PPM1G: variants seen among roughly 807,000 people sequenced by gnomAD.
PPM1G encodes the protein protein phosphatase, Mg2+/Mn2+ dependent 1G, also known as protein phosphatase 1G.
Under a neutral mutation model 59.4 loss-of-function variants are expected in PPM1G, and 12 were observed. The observed-to-expected ratio is 0.20, with a 90% confidence interval of 0.13 to 0.33. PPM1G has a LOEUF of 0.33. Among genes scored for constraint, PPM1G ranks in the 10% least tolerant of loss-of-function variants. PPM1G has a pLI of 1.00. For missense variants in PPM1G, 392 were observed against 681.3 expected (o/e 0.58, Z 4.73); for synonymous variants, 245 against 251.9 (o/e 0.97, Z 0.26).
chr2:27,393,488 G>GCGGC (rs1296639788), intron 1 of PPM1G: 33 of 737,690 alleles, frequency 4.5e-5, no homozygotes, highest in Non-Finnish European at 6.2e-5. Context: ...CTGGCTATGG[G>GCGGC]CGGCCGGCCG....
At position 27,383,231 on chromosome 2, in the gene PPM1G, A is replaced by C. The variant is rs2384629; in HGVS notation, c.1201+135T>G. 1 of 696,420 alleles carries C rather than the reference A, an allele frequency of 1.4e-6. No homozygotes were observed. The highest frequency in any genetic ancestry group is 2.5e-6 in the Non-Finnish European group (1 of 406,676). 43.1% of individuals were successfully genotyped at this position (696,420 alleles called of 1,614,324 possible). A position where few individuals can be genotyped will look rare whatever the true frequency, so the allele number is the denominator to read the frequency against. ...TCTACCCATCTTAGTTATTTCACAG[A>C]AATATAAGAACAGAGGTAGTAGATA... is the stretch of plus-strand genomic sequence containing the variant. On this transcript the variant is annotated intron_variant, in intron 7 of 9. Transcript: ENST00000344034. The surrounding 1 kb of genome is among the most constrained non-coding windows in gnomAD (Gnocchi z 5.0).
intron 1 of PPM1G, among the ~76,000 whole-genome samples, chr2:27,391,879 G>A (rs374009229): frequency 2.6e-5 from 4 of 151,660 alleles, no homozygotes; most frequent in Non-Finnish European, 2.9e-5. Flanking sequence ...TAACAGGCAC[G>A]CGCCGCCACG....
intron 1 of PPM1G, among the ~76,000 whole-genome samples, chr2:27,408,471 A>AT (rs1481444814): frequency 5.3e-5 from 8 of 151,854 alleles, no homozygotes; most frequent in Non-Finnish European, 7.4e-5. Context: ...TCCCCCCAAT[A>AT]TTTTTCTTTT....
rs1262544426 is a variant in PPM1G, at chr2:27,384,670, T to TAC, written c.825+1_825+2dup. The TAC allele has an allele frequency of 6.2e-7, 1 of 1,601,202 alleles. No individual in the cohort carries two copies. The highest frequency in any genetic ancestry group is 8.5e-7 in the Non-Finnish European group (1 of 1,170,432). ...GCATCTGCCTGCCCTCACAGGCCCT[T>TAC]ACCTCACTGTCTTCCTCTTCTTCCT... On this transcript the variant is annotated splice_region_variant and intron_variant, in intron 5 of 9. Transcript: ENST00000344034. This position sits in a 1 kb window ranked among gnomAD's most constrained non-coding sequence, Gnocchi z 4.8.
Position 27,383,985 on chromosome 2 carries a change from C to A in PPM1G, c.933G>T (p.Glu311Asp). The A allele has an allele frequency of 6.4e-7, 1 of 1,559,474 alleles. No homozygotes were observed. The highest frequency in any genetic ancestry group is 8.7e-7 in the Non-Finnish European group (1 of 1,150,978). Residue 311 changes from glutamate to aspartate, a missense_variant, in exon 6 of 10, where the codon GAG becomes GAT. By Grantham distance (45) the Glu-to-Asp change is conservative. Coordinates refer to ENST00000344034, the MANE Select transcript of PPM1G (RefSeq NM_177983.3). This position sits in a 1 kb window ranked among gnomAD's most constrained non-coding sequence, Gnocchi z 5.0. Reference protein sequence around the residue: ...AEEDDEEEEEEMMVPGMEGKE... With the variant: ...AEEDDEEEEEDMMVPGMEGKE... The stretch of plus-strand genomic sequence containing the variant: ...TGCCTTCCATCCCTGGCACCATCAT[C>A]TCTTCTTCTTCTTCTTCATCGTCCT...
intron 1 of PPM1G, among the ~76,000 whole-genome samples, chr2:27,397,695 T>C (rs767831595): frequency 9.2e-5 from 14 of 152,264 alleles, no homozygotes; most frequent in Admixed American, 3.3e-4. Flanking sequence ...AATAAGACCC[T>C]GTCTCTATAA....
intron 1 of PPM1G, among the ~76,000 whole-genome samples, chr2:27,389,239 T>A (rs183778242): frequency 1.1e-4 from 16 of 151,540 alleles, no homozygotes; most frequent in Admixed American, 4.6e-4. Context: ...TACATAAAAA[T>A]ATATATATAT....
chr2:27,407,619 T>C (rs138625899), intron 1 of PPM1G, among the ~76,000 whole-genome samples: 9 of 152,270 alleles, frequency 5.9e-5, no homozygotes, highest in African/African-American at 2.2e-4. Flanking sequence ...CTGTGTATGG[T>C]GGTGAAATAT....
At chr2:27,399,478 G>A (rs1277458273) in intron 1 of PPM1G, among the ~76,000 whole-genome samples, 1 of 151,990 alleles carries the variant, frequency 6.6e-6, no homozygotes, top group African/African-American at 2.4e-5. Flanking sequence ...TTCGACACCA[G>A]CCTGAACAAC....
intron 1 of PPM1G, among the ~76,000 whole-genome samples, chr2:27,389,863 G>T (rs1683855356): frequency 6.6e-6 from 1 of 152,058 alleles, no homozygotes; most frequent in Admixed American, 6.6e-5. Flanking sequence ...TAACTACTCG[G>T]AACACTGAGG....
At chr2:27,388,425 T>A (rs915153344) in intron 1 of PPM1G, among the ~76,000 whole-genome samples, 12 of 150,864 alleles carry the variant, frequency 8.0e-5, no homozygotes, top group Non-Finnish European at 1.6e-4. Flanking sequence ...AATAAATAAA[T>A]AAAATAAAAA....
Position 27,382,069 on chromosome 2 carries a change from A to C in PPM1G, c.1434+57T>G. On this transcript the variant is annotated intron_variant, in intron 9 of 9. Coordinates refer to ENST00000344034, the MANE Select transcript of PPM1G (RefSeq NM_177983.3). This position sits in a 1 kb window ranked among gnomAD's most constrained non-coding sequence, Gnocchi z 4.2. ...GATTGCCGACTTAGCTCAGATTAAAAGAGTGAACCCTGGCTGTGCAGACCA... is the reference window on the plus strand; with the variant it reads ...GATTGCCGACTTAGCTCAGATTAAACGAGTGAACCCTGGCTGTGCAGACCA... 6.5e-7 allele frequency: 1 copy of C among 1,533,158 alleles called. No individual in the cohort carries two copies. Among genetic ancestry groups the C allele is most frequent in the Non-Finnish European group, 9.0e-7 (1 of 1,107,926 alleles). 95.0% of individuals were successfully genotyped at this position (1,533,158 alleles called of 1,614,324 possible). A position where few individuals can be genotyped will look rare whatever the true frequency, so the allele number is the denominator to read the frequency against.
Position 27,392,283 on chromosome 2 carries a change from TTTG to T in PPM1G, c.121-5128_121-5126del, listed in dbSNP as rs1458608328. Among the ~76,000 whole-genome samples the T allele has an allele frequency of 2.5e-3, 244 of 97,604 alleles. 3 individuals carry two copies. The highest frequency in any genetic ancestry group is 0.01 in the African/African-American group (228 of 22,234). 64.0% of individuals were successfully genotyped at this position (97,604 alleles called of 152,430 possible). The stretch of plus-strand genomic sequence containing the variant: ...GGATTACTTTGTTTTGTTGGTTTGT[TTTG>T]TTTTTTTTTTTTTTTTTTTTTTTTG... On this transcript the variant is annotated intron_variant, in intron 1 of 9. Transcript: ENST00000344034.
rs1683654565 is a variant in PPM1G, at chr2:27,382,357, G to A, written c.1331+119C>T. On this transcript the variant is annotated intron_variant, in intron 8 of 9. Coordinates refer to ENST00000344034, the MANE Select transcript of PPM1G (RefSeq NM_177983.3). The surrounding 1 kb of genome is among the most constrained non-coding windows in gnomAD (Gnocchi z 4.2). ...TTCTCAGCTCTGCCTTAGTCTGGGT[G>A]CTCTTCACCCACCAAGAGGCCTAGG... 2 of 1,555,916 alleles carry A rather than the reference G, an allele frequency of 1.3e-6. No homozygotes were observed. The highest frequency in any genetic ancestry group is 1.4e-5 in the African/African-American group (1 of 73,338).
intron 1 of PPM1G, among the ~76,000 whole-genome samples, chr2:27,408,469 A>G (rs114081625): frequency 3.3e-4 from 50 of 152,146 alleles, no homozygotes; most frequent in Non-Finnish European, 5.7e-4. Context: ...TTTCCCCCCA[A>G]TATTTTTCTT....
At chr2:27,387,318 AAG>A (rs1683792627) in intron 1 of PPM1G, among the ~76,000 whole-genome samples, 160 bp from the exon 2 acceptor site, 1 of 152,188 alleles carries the variant, frequency 6.6e-6, no homozygotes, top group South Asian at 2.1e-4. Flanking sequence ...AGAGGAAGAA[AAG>A]AGGAGGGAGG....
chr2:27,405,050 G>A (rs1416190708), intron 1 of PPM1G, among the ~76,000 whole-genome samples: 4 of 146,818 alleles, frequency 2.7e-5, no homozygotes, highest in Non-Finnish European at 5.9e-5. Context: ...AATTTTTCAG[G>A]CACCCCTCCA....
Position 27,381,575 on chromosome 2 carries a change from G to A in PPM1G, c.*24C>T. 6.2e-7 allele frequency: 1 copy of A among 1,613,756 alleles called. No homozygotes were observed. Among genetic ancestry groups the A allele is most frequent in the South Asian group, 1.1e-5 (1 of 91,080 alleles). On this transcript the variant is annotated 3_prime_UTR_variant, in exon 10 of 10. Coordinates refer to ENST00000344034, the MANE Select transcript of PPM1G (RefSeq NM_177983.3). Reference sequence around the variant, plus strand: ...TCCGGAGGGCTCAGAAAACAGTCTAGGTGGGCAGGGGTCTGGATGACTGCT... The same window carrying A: ...TCCGGAGGGCTCAGAAAACAGTCTAAGTGGGCAGGGGTCTGGATGACTGCT...
At chr2:27,399,950 C>A (rs376119874) in intron 1 of PPM1G, among the ~76,000 whole-genome samples, 382 of 106,698 alleles carry the variant, frequency 3.6e-3, no homozygotes, top group Admixed American at 3.5e-3. Flanking sequence ...TTTATAATAG[C>A]AAAAAAAAAA....
Sources: allele counts gnomAD v4.1 joint callset (sites outside exome capture counted in the v4.1 genomes callset), GRCh38; gene constraint gnomAD v4.1.1; non-coding constraint Gnocchi (gnomAD v3.1); transcripts MANE v1.5; gene names NCBI Gene and HGNC (gene_info 2026-07-23, HGNC 2026-07-21).